ESR1: variants seen among roughly 807,000 people sequenced by gnomAD.
The protein encoded by ESR1 is estrogen receptor 1, also known as estrogen receptor.
A neutral mutation model predicts 52.7 loss-of-function variants in ESR1; 12 were observed. That is an observed-to-expected ratio of 0.23 (90% CI 0.15 to 0.37). ESR1 has a LOEUF of 0.37. Ranked by LOEUF, ESR1 falls within the 10% of genes least tolerant of loss-of-function variation. ESR1 has a pLI of 1.00. For synonymous variants in ESR1, 305 were observed against 316.8 expected, an observed-to-expected ratio of 0.96 and a Z score of 0.39; for missense variants, 584 against 779.7, an observed-to-expected ratio of 0.75 and a Z score of 2.99.
intron 1 of ESR1, among the ~76,000 whole-genome samples, chr6:151,818,390 C>T (rs1200560141): frequency 1.3e-5 from 2 of 152,200 alleles, no homozygotes; most frequent in African/African-American, 4.8e-5. Flanking sequence ...TGTCCCAGGG[C>T]TCTCTGGGTC....
chr6:151,752,206 A>C (rs955175394), intron 2 of ESR1, among the ~76,000 whole-genome samples: 1 of 152,226 alleles, frequency 6.6e-6, no homozygotes, highest in Non-Finnish European at 1.5e-5. Context: ...ACCTGCAGTT[A>C]CTAGGAATTG....
At chr6:151,700,290 T>C (rs1022455072) in intron 1 of ESR1, among the ~76,000 whole-genome samples, 2 of 152,078 alleles carry the variant, frequency 1.3e-5, no homozygotes, top group Non-Finnish European at 2.9e-5. Context: ...TAGTTGAGTG[T>C]TATATTTAAT....
chr6:152,073,910 T>C (rs1167788749), intron 6 of ESR1, among the ~76,000 whole-genome samples: 2 of 152,196 alleles, frequency 1.3e-5, no homozygotes, highest in Non-Finnish European at 2.9e-5. Flanking sequence ...TCATTGTTTT[T>C]CATTTTTTAC....
chr6:151,673,443 C>G (rs1778146221), intron 1 of ESR1, among the ~76,000 whole-genome samples: 1 of 152,162 alleles, frequency 6.6e-6, no homozygotes, highest in Non-Finnish European at 1.5e-5. Context: ...TTTTCCACAA[C>G]TAATCAAAAT....
At position 151,716,851 on chromosome 6, in the gene ESR1, G is replaced by A. The variant is rs144959708; in HGVS notation, c.-71+14846G>A. 3.1e-3 allele frequency among the ~76,000 whole-genome samples: 470 copies of A among 152,270 alleles called. 2 individuals are homozygous for A. The highest frequency in any genetic ancestry group is 0.011 in the African/African-American group (447 of 41,546). ...TCTGGGGAGTGAATGGTTCTGTCTCGCTGGCATTCCAGGAGCCACTAGGGT... is the reference window on the plus strand; with the variant it reads ...TCTGGGGAGTGAATGGTTCTGTCTCACTGGCATTCCAGGAGCCACTAGGGT... On this transcript the variant is annotated intron_variant, in intron 2 of 2. Coordinates refer to the ESR1 transcript ENST00000404742.
intron 6 of ESR1, chr6:152,122,658 G>T: frequency 6.2e-7 from 1 of 1,613,950 alleles, no homozygotes. Context: ...GGGAGGAATC[G>T]GAGCCACCTT....
At chr6:151,792,887 T>C (rs1256721056) in intron 2 of ESR1, among the ~76,000 whole-genome samples, 1 of 152,200 alleles carries the variant, frequency 6.6e-6, no homozygotes, top group Non-Finnish European at 1.5e-5. Flanking sequence ...AAAAATGTTT[T>C]AGTCTGAGTG....
upstream of ESR1, among the ~76,000 whole-genome samples, chr6:151,801,266 T>C (rs1477313637): frequency 6.6e-6 from 1 of 152,194 alleles, no homozygotes; most frequent in Non-Finnish European, 1.5e-5. Flanking sequence ...AATTCTTGTA[T>C]CACTCATGGC....
At chr6:151,876,977 A>T (rs570605126) in intron 2 of ESR1, among the ~76,000 whole-genome samples, 4 of 145,766 alleles carry the variant, frequency 2.7e-5, no homozygotes, top group Non-Finnish European at 6.0e-5. Flanking sequence ...AAAAAAAAAC[A>T]CACACACACA....
At chr6:151,960,184 C>T (rs548373363) in intron 4 of ESR1, among the ~76,000 whole-genome samples, 315 of 152,292 alleles carry the variant, frequency 2.1e-3, no homozygotes, top group Non-Finnish European at 3.6e-3. Flanking sequence ...TTTGTTCATT[C>T]GGCACTTTTC....
intron 2 of ESR1, among the ~76,000 whole-genome samples, chr6:151,854,634 A>T (rs959310991): frequency 2.0e-5 from 3 of 152,192 alleles, no homozygotes; most frequent in Non-Finnish European, 4.4e-5. Context: ...TTTCAAAATC[A>T]TGTATTAGGA....
chr6:151,924,402 A>AT (rs759091198), intron 3 of ESR1, among the ~76,000 whole-genome samples: 2 of 150,898 alleles, frequency 1.3e-5, no homozygotes, highest in Admixed American at 6.6e-5. Flanking sequence ...TGCCAACTGT[A>AT]TTTTTTTTAA....
At chr6:152,078,679 C>A (rs1025493318) in intron 6 of ESR1, among the ~76,000 whole-genome samples, 10 of 152,168 alleles carry the variant, frequency 6.6e-5, no homozygotes, top group Admixed American at 1.3e-4. Flanking sequence ...GTCACCTCAC[C>A]CACAAAGTGC....
chr6:152,021,282 CT>C (rs1457588706), intron 5 of ESR1, among the ~76,000 whole-genome samples: 5 of 152,120 alleles, frequency 3.3e-5, no homozygotes, highest in African/African-American at 4.8e-5. Context: ...GCTTCCTGCC[CT>C]TGAGCATTGG....
chr6:152,123,938 A>G (rs1275165541), intron 6 of ESR1, among the ~76,000 whole-genome samples: 1 of 152,214 alleles, frequency 6.6e-6, no homozygotes, highest in Non-Finnish European at 1.5e-5. Context: ...ATGCGGAGTG[A>G]CACCTAAGAA....
At chr6:152,062,597 G>C (rs2128963142) in intron 6 of ESR1, among the ~76,000 whole-genome samples, 1 of 152,302 alleles carries the variant, frequency 6.6e-6, no homozygotes, top group South Asian at 2.1e-4. Flanking sequence ...GTAGGGTCCA[G>C]ATCCCACAAT....
rs143989186 is a variant in ESR1 at position 151,786,533 on chromosome 6, A to T, written c.-70-21310A>T. Among the ~76,000 whole-genome samples, 1,178 of 152,306 alleles carry T rather than the reference A, an allele frequency of 7.7e-3. 16 individuals are homozygous for T. The highest frequency in any genetic ancestry group is 0.026 in the African/African-American group (1,069 of 41,548). On this transcript the variant is annotated intron_variant, in intron 2 of 2. Coordinates refer to the ESR1 transcript ENST00000404742. ...TCCCGATTTCACGCTTTTAAATGTCAACAACAAACAAACGTTTATATACAC... is the reference window on the plus strand; with the variant it reads ...TCCCGATTTCACGCTTTTAAATGTCTACAACAAACAAACGTTTATATACAC...
upstream of ESR1, among the ~76,000 whole-genome samples, chr6:151,800,816 C>T (rs1439018433): frequency 1.3e-5 from 2 of 152,118 alleles, no homozygotes; most frequent in East Asian, 3.9e-4. Context: ...ATTACTCCCT[C>T]CACAGTGTGA....
intron 3 of ESR1, among the ~76,000 whole-genome samples, chr6:151,912,984 C>CT (rs1301918882): frequency 7.8e-4 from 118 of 152,014 alleles, no homozygotes; most frequent in African/African-American, 2.8e-3. Flanking sequence ...GGCTTAAAAC[C>CT]TAGATGACGG....
Sources: gnomAD v4.1 joint callset for allele counts (sites outside exome capture counted in the v4.1 genomes callset) on GRCh38, gnomAD v4.1.1 for gene constraint, MANE v1.5 for transcripts, NCBI Gene and HGNC (gene_info 2026-07-23, HGNC 2026-07-21) for gene names.